The following AUTS2 variants were observed in gnomAD, a reference collection of about 807,000 sequenced individuals.
AUTS2 encodes the protein autism susceptibility gene 2 protein.
A neutral mutation model predicts 112.4 loss-of-function variants in AUTS2; 17 were observed. The observed-to-expected ratio is 0.15, with a 90% CI of 0.10 to 0.23. The LOEUF (loss-of-function observed/expected upper bound fraction) is 0.23, where lower values mean the gene tolerates loss of function less well. AUTS2 is among the 10% of genes least tolerant of loss of function. The probability of loss-of-function intolerance (pLI) is 1.00; values close to 1 mark genes in which losing one functional copy is unlikely to be tolerated. For missense variants in AUTS2, 1,510 were observed against 1,701.6 expected (o/e 0.89, Z 1.98); for synonymous variants, 751 against 702.7 (o/e 1.07, Z -1.09).
At chr7:70,671,526 G>C (rs1807641079) in intron 5 of AUTS2, among the ~76,000 whole-genome samples, 1 of 152,188 alleles carries the variant, frequency 6.6e-6, no homozygotes, top group Admixed American at 6.5e-5. Flanking sequence ...TACAGGCCAA[G>C]CAAGGCAAAT....
chr7:70,022,712 C>T (rs754507091), intron 2 of AUTS2, among the ~76,000 whole-genome samples: 21 of 151,974 alleles, frequency 1.4e-4, no homozygotes, highest in East Asian at 1.9e-4. Context: ...AGTGAGAGGT[C>T]TGGGAAGTGG....
intron 4 of AUTS2, among the ~76,000 whole-genome samples, chr7:70,168,406 T>TC (rs1562757511): frequency 6.6e-6 from 1 of 152,212 alleles, no homozygotes; most frequent in Non-Finnish European, 1.5e-5. Context: ...AATCTCTGCC[T>TC]CCCAGGTTCA....
intron 4 of AUTS2, among the ~76,000 whole-genome samples, chr7:70,224,752 G>A (rs1361636884): frequency 6.6e-6 from 1 of 152,026 alleles, no homozygotes; most frequent in African/African-American, 2.4e-5. Context: ...GCCCTATACA[G>A]GTGTACCATT....
At position 70,082,965 on chromosome 7, in the gene AUTS2, C is replaced by G. The variant is rs141513335; in HGVS notation, c.523-35167C>G. On this transcript the variant is annotated intron_variant, in intron 2 of 18. Transcript: ENST00000342771. Reference sequence around the variant, plus strand: ...TTGGTGCTAGGGATTCATTAGTAAACAAAGCAGGAATATTCTTTTACAATG... The same window carrying G: ...TTGGTGCTAGGGATTCATTAGTAAAGAAAGCAGGAATATTCTTTTACAATG... Among the ~76,000 whole-genome samples the G allele has an allele frequency of 3.8e-4, 58 of 152,308 alleles. 1 individual carries two copies. The highest frequency in any genetic ancestry group is 2.8e-4 in the Non-Finnish European group (19 of 68,022).
intron 4 of AUTS2, among the ~76,000 whole-genome samples, chr7:70,303,566 G>A (rs1789345071): frequency 6.6e-6 from 1 of 152,138 alleles, no homozygotes; most frequent in Admixed American, 6.5e-5. Flanking sequence ...TGGCTTGCTA[G>A]CACAGTAATC....
At chr7:70,335,493 C>G (rs532688048) in intron 4 of AUTS2, among the ~76,000 whole-genome samples, 1 of 152,308 alleles carries the variant, frequency 6.6e-6, no homozygotes, top group South Asian at 2.1e-4. Flanking sequence ...CTATTTAGCT[C>G]TTTAACCAGG....
intron 2 of AUTS2, among the ~76,000 whole-genome samples, chr7:70,116,680 C>G (rs1805373224): frequency 6.6e-6 from 1 of 152,176 alleles, no homozygotes; most frequent in African/African-American, 2.4e-5. Context: ...CTTTTTCTGT[C>G]TTTGCTTTCT....
chr7:69,689,867 T>C (rs1486648512), intron 1 of AUTS2, among the ~76,000 whole-genome samples: 2 of 149,300 alleles, frequency 1.3e-5, no homozygotes, highest in East Asian at 2.0e-4. Flanking sequence ...TTTTTTTTTT[T>C]CAGTAGAGAT....
chr7:69,899,134 C>T (rs922426519), intron 1 of AUTS2, 152 bp from the exon 2 acceptor site: 1 of 611,142 alleles, frequency 1.6e-6, no homozygotes, highest in Admixed American at 3.0e-5. Context: ...ATTGAGAAGC[C>T]ATGTTTCTTA....
chr7:70,698,205 G>C (rs1326787990), intron 5 of AUTS2, among the ~76,000 whole-genome samples: 1 of 152,190 alleles, frequency 6.6e-6, no homozygotes, highest in African/African-American at 2.4e-5. Context: ...TGGCATGTCT[G>C]CAAATACCAC....
chr7:70,592,093 T>TA (rs1273178555), intron 5 of AUTS2, among the ~76,000 whole-genome samples: 1 of 152,256 alleles, frequency 6.6e-6, no homozygotes, highest in Admixed American at 6.5e-5. Context: ...ATGCTCATTG[T>TA]AAAAATGTAG....
At chr7:70,043,217 T>A (rs1801322922) in intron 2 of AUTS2, among the ~76,000 whole-genome samples, 2 of 152,176 alleles carry the variant, frequency 1.3e-5, no homozygotes, top group African/African-American at 4.8e-5. Context: ...AGCTCGCCTC[T>A]TTGCTGCACA....
chr7:70,606,486 A>G (rs1183393617), intron 5 of AUTS2, among the ~76,000 whole-genome samples: 1 of 151,298 alleles, frequency 6.6e-6, no homozygotes, highest in African/African-American at 2.4e-5. Context: ...ACAGTGGTGA[A>G]AAAAGTAGAC....
chr7:70,118,348 T>C, intron 3 of AUTS2, 115 bp downstream of exon 3: 3 of 1,243,216 alleles, frequency 2.4e-6, no homozygotes, highest in Non-Finnish European at 3.2e-6. Context: ...TAGAACTTTT[T>C]GTCTACCCAA....
At chr7:70,773,200 G>C (rs569709059) in intron 11 of AUTS2, among the ~76,000 whole-genome samples, 4 of 151,808 alleles carry the variant, frequency 2.6e-5, no homozygotes, top group Admixed American at 6.6e-5. Context: ...GGCAAGCTTC[G>C]GGCCTAAACT....
At chr7:69,650,920 G>A (rs1055723407) in intron 1 of AUTS2, among the ~76,000 whole-genome samples, 17 of 152,158 alleles carry the variant, frequency 1.1e-4, no homozygotes, top group African/African-American at 3.6e-4. Flanking sequence ...CAAGTCGCCC[G>A]TGCTATGCTG....
At chr7:70,458,228 G>A (rs919256331) in intron 5 of AUTS2, among the ~76,000 whole-genome samples, 11 of 152,148 alleles carry the variant, frequency 7.2e-5, no homozygotes, top group Non-Finnish European at 1.5e-4. Flanking sequence ...GATTTCCTCT[G>A]CCTCGTATAA....
intron 4 of AUTS2, among the ~76,000 whole-genome samples, chr7:70,217,919 T>G (rs755084007): frequency 4.6e-5 from 7 of 152,250 alleles, no homozygotes; most frequent in Non-Finnish European, 1.0e-4. Flanking sequence ...GAAAATTTCT[T>G]AAGTGTTTTC....
chr7:70,102,164 G>A (rs1804534346), intron 2 of AUTS2, among the ~76,000 whole-genome samples: 1 of 148,360 alleles, frequency 6.7e-6, no homozygotes, highest in South Asian at 2.1e-4. Flanking sequence ...TTTCGCCCAG[G>A]CTGGAGTGCA....
Sources: allele counts gnomAD v4.1 joint callset (sites outside exome capture counted in the v4.1 genomes callset), GRCh38; gene constraint gnomAD v4.1.1; transcripts MANE v1.5; gene names NCBI Gene and HGNC (gene_info 2026-07-23, HGNC 2026-07-21).